CENPW: variants seen among roughly 807,000 people sequenced by gnomAD.
The protein encoded by CENPW is cancer-up-regulated gene 2 protein.
Under a neutral mutation model 11.1 loss-of-function variants are expected in CENPW, and 3 were observed. The ratio of observed to expected loss-of-function variants is 0.27; its 90% CI spans 0.12 to 0.70. The LOEUF is 0.70. Ranked by LOEUF, CENPW falls within the 30% of genes least tolerant of loss-of-function variation. CENPW has a pLI of 0.77. For synonymous variants in CENPW, 38 were observed against 42.0 expected (o/e 0.91, Z 0.37); for missense variants, 100 against 105.6 (o/e 0.95, Z 0.23).
At chr6:126,380,403 G>A in the CENPW span, among the ~76,000 whole-genome samples, 1 of 152,214 alleles carries the variant, frequency 6.6e-6, no homozygotes, top group Non-Finnish European at 1.5e-5. Context: ...CAGATCTGGT[G>A]TTGACTTAAC....
chr6:126,390,819 C>A, the CENPW span, among the ~76,000 whole-genome samples: 3 of 151,926 alleles, frequency 2.0e-5, no homozygotes, highest in Admixed American at 6.6e-5. Flanking sequence ...TTTTTTATGG[C>A]TGAAAAATAC....
chr6:126,358,357 A>C, the CENPW span, among the ~76,000 whole-genome samples: 1 of 151,970 alleles, frequency 6.6e-6, no homozygotes, highest in African/African-American at 2.4e-5. Flanking sequence ...ATAGATAGCT[A>C]TTGTTATTTT....
At chr6:126,455,107 C>T in the CENPW span, among the ~76,000 whole-genome samples, 4 of 151,202 alleles carry the variant, frequency 2.6e-5, no homozygotes, top group East Asian at 7.8e-4. Context: ...AACCCCAGGA[C>T]CAAATGGATT....
At chr6:126,382,161 T>C in the CENPW span, among the ~76,000 whole-genome samples, 1 of 151,930 alleles carries the variant, frequency 6.6e-6, no homozygotes, top group South Asian at 2.1e-4. Flanking sequence ...CACTTGAACC[T>C]GCGAGGAGGA....
the CENPW span, among the ~76,000 whole-genome samples, chr6:126,446,395 TG>T: frequency 6.8e-6 from 1 of 147,866 alleles, no homozygotes; most frequent in Non-Finnish European, 1.5e-5. Context: ...CTGAAAAGTT[TG>T]CTTAAACTTC....
chr6:126,449,399 C>A, the CENPW span, among the ~76,000 whole-genome samples: 1 of 150,964 alleles, frequency 6.6e-6, no homozygotes, highest in East Asian at 1.9e-4. Flanking sequence ...CCTTGCAAAA[C>A]CTTGACAAAT....
the CENPW span, among the ~76,000 whole-genome samples, chr6:126,452,980 T>C: frequency 9.9e-5 from 15 of 151,112 alleles, no homozygotes; most frequent in African/African-American, 3.6e-4. Flanking sequence ...GGACCACATA[T>C]TTAAAGTGCT....
At chr6:126,384,508 C>A in the CENPW span, among the ~76,000 whole-genome samples, 2 of 152,014 alleles carry the variant, frequency 1.3e-5, no homozygotes, top group Non-Finnish European at 2.9e-5. Context: ...ACAAAGCTGA[C>A]AAAAACAAGC....
At chr6:126,414,843 A>T in the CENPW span, among the ~76,000 whole-genome samples, 3 of 151,882 alleles carry the variant, frequency 2.0e-5, no homozygotes, top group Non-Finnish European at 1.5e-5. Flanking sequence ...TTTTGAAAAC[A>T]TAAACGAGAT....
the CENPW span, among the ~76,000 whole-genome samples, chr6:126,446,129 A>G: frequency 6.6e-6 from 1 of 151,210 alleles, no homozygotes; most frequent in African/African-American, 2.4e-5. Flanking sequence ...ATGTAAATTA[A>G]ATTCACCTGT....
the CENPW span, among the ~76,000 whole-genome samples, chr6:126,364,613 C>T: frequency 1.2e-4 from 19 of 152,128 alleles, no homozygotes; most frequent in Non-Finnish European, 2.5e-4. Context: ...TGGTGTTATC[C>T]CTACCCCTAT....
the CENPW span, among the ~76,000 whole-genome samples, chr6:126,381,945 C>T: frequency 3.3e-5 from 5 of 152,180 alleles, no homozygotes; most frequent in South Asian, 2.1e-4. Context: ...CACCTCAGAG[C>T]GCAATTAAAC....
At chr6:126,466,067 A>G in the CENPW span, among the ~76,000 whole-genome samples, 6 of 152,124 alleles carry the variant, frequency 3.9e-5, no homozygotes, top group Non-Finnish European at 5.9e-5. Context: ...AAAGATGGCA[A>G]TAGTATTCTG....
the CENPW span, among the ~76,000 whole-genome samples, chr6:126,424,244 G>A: frequency 6.6e-6 from 1 of 152,014 alleles, no homozygotes; most frequent in Non-Finnish European, 1.5e-5. Flanking sequence ...CACACACAGA[G>A]AAACTGAATT....
the CENPW span, among the ~76,000 whole-genome samples, chr6:126,441,858 G>A: frequency 5.9e-5 from 9 of 151,602 alleles, no homozygotes; most frequent in Non-Finnish European, 5.9e-5. Flanking sequence ...ATTGATTAAT[G>A]AGTATTCGGG....
At chr6:126,441,580 G>A in the CENPW span, among the ~76,000 whole-genome samples, 1 of 151,396 alleles carries the variant, frequency 6.6e-6, no homozygotes, top group Non-Finnish European at 1.5e-5. Flanking sequence ...CTGTGCCCAA[G>A]TTTAGCCTTT....
At chr6:126,380,624 C>G in the CENPW span, among the ~76,000 whole-genome samples, 1 of 152,126 alleles carries the variant, frequency 6.6e-6, no homozygotes, top group Non-Finnish European at 1.5e-5. Context: ...TGTCTTAACT[C>G]TAGCTTATCA....
At chr6:126,422,822 C>T in the CENPW span, among the ~76,000 whole-genome samples, 5 of 152,042 alleles carry the variant, frequency 3.3e-5, no homozygotes, top group African/African-American at 1.2e-4. Context: ...ATTGTTTCCT[C>T]CCCTTTTAAG....
the CENPW span, among the ~76,000 whole-genome samples, chr6:126,427,129 C>T: frequency 1.3e-5 from 2 of 152,130 alleles, no homozygotes; most frequent in Non-Finnish European, 2.9e-5. Flanking sequence ...GCATAACCCT[C>T]AGCTGGGGCA....
Sources: gnomAD v4.1 joint callset for allele counts (sites outside exome capture counted in the v4.1 genomes callset) on GRCh38, gnomAD v4.1.1 for gene constraint, MANE v1.5 for transcripts, NCBI Gene and HGNC (gene_info 2026-07-23, HGNC 2026-07-21) for gene names.